PAPPA2: variants seen among roughly 807,000 people sequenced by gnomAD.
PAPPA2 encodes the protein pappalysin 2, also known as pappalysin-2.
Under a neutral mutation model 176.4 loss-of-function variants are expected in PAPPA2, and 86 were observed. That is an observed-to-expected ratio of 0.49 (90% CI 0.41 to 0.58). PAPPA2 has a LOEUF of 0.58. Ranked by LOEUF, PAPPA2 falls within the 20% of genes least tolerant of loss-of-function variation. The pLI, the probability that PAPPA2 is intolerant of heterozygous loss-of-function variation, is 0.00. For synonymous variants in PAPPA2, 809 were observed against 852.2 expected (o/e 0.95, Z 0.88); for missense variants, 2,073 against 2,256.9 (o/e 0.92, Z 1.65).
rs767285867 is a variant in PAPPA2 at position 176,791,437 on chromosome 1, G to C, written c.4975G>C (p.Glu1659Gln). 1.9e-6 allele frequency: 3 copies of C among 1,613,900 alleles called. No individual in the cohort carries two copies. The highest frequency in any genetic ancestry group is 2.2e-5 in the East Asian group (1 of 44,848). The change falls in exon 19 of 23, where the codon GAG becomes CAG. Residue 1659 changes from glutamate (E) to glutamine (Q), a missense_variant. By Grantham distance (29) the Glu-to-Gln change is conservative. This residue lies in a region of PAPPA2 where 846 missense variants were observed against 857.9 expected (regional missense o/e 0.99). Transcript: ENST00000367662. ...LQGECPPPPSELNSVEYKCEQ... is the reference protein window; with the variant it reads ...LQGECPPPPSQLNSVEYKCEQ... ...AGGAGAATGCCCACCACCCCCCTCAGAGCTGAATTCTGTGGAGTACAAATG... is the reference window on the plus strand; with the variant it reads ...AGGAGAATGCCCACCACCCCCCTCACAGCTGAATTCTGTGGAGTACAAATG...
chr1:176,586,914 G>A (rs1039314383), intron 2 of PAPPA2, among the ~76,000 whole-genome samples: 4 of 152,120 alleles, frequency 2.6e-5, no homozygotes, highest in Non-Finnish European at 4.4e-5. Context: ...CACCAACAGT[G>A]TAAAAGCTTT....
intron 21 of PAPPA2, among the ~76,000 whole-genome samples, chr1:176,824,204 G>T (rs1232425229): frequency 2.0e-5 from 3 of 152,152 alleles, no homozygotes; most frequent in Admixed American, 2.0e-4. Context: ...CTGCTGTGGG[G>T]AACAAAAAGA....
At chr1:176,708,529 G>GGAGAGA (rs1177495946) in intron 10 of PAPPA2, among the ~76,000 whole-genome samples, 8 of 71,670 alleles carry the variant, frequency 1.1e-4, no homozygotes, top group Admixed American at 3.4e-4. Flanking sequence ...ATACGTACAT[G>GGAGAGA]TAGAGAGAGA....
chr1:176,598,706 CTCT>C (rs1654117746), intron 3 of PAPPA2, among the ~76,000 whole-genome samples: 1 of 152,050 alleles, frequency 6.6e-6, no homozygotes, highest in African/African-American at 2.4e-5. Context: ...CTAAATAAAA[CTCT>C]TCTTCTTCAC....
At chr1:176,725,033 A>G (rs1213497906) in intron 12 of PAPPA2, among the ~76,000 whole-genome samples, 1 of 152,220 alleles carries the variant, frequency 6.6e-6, no homozygotes, top group Non-Finnish European at 1.5e-5. Context: ...AAAGCAGATT[A>G]AAAAACTACT....
At chr1:176,722,629 A>T (rs1661678947) in intron 12 of PAPPA2, among the ~76,000 whole-genome samples, 1 of 152,020 alleles carries the variant, frequency 6.6e-6, no homozygotes, top group African/African-American at 2.4e-5. Context: ...GTTATTTTGC[A>T]TTGCTTAGGA....
chr1:176,673,313 T>A (rs150016965), intron 4 of PAPPA2, among the ~76,000 whole-genome samples: 156 of 152,300 alleles, frequency 1.0e-3, no homozygotes, highest in Non-Finnish European at 1.9e-3. Context: ...GAAAGTCATA[T>A]TCCTGTTCCT....
intron 17 of PAPPA2, among the ~76,000 whole-genome samples, chr1:176,778,338 A>G (rs1027014426): frequency 2.0e-5 from 3 of 152,178 alleles, no homozygotes; most frequent in Admixed American, 6.5e-5. Context: ...AATCAGCAAG[A>G]TAGATCTGGT....
At chr1:176,651,087 T>C (rs527931484) in intron 3 of PAPPA2, among the ~76,000 whole-genome samples, 1 of 151,862 alleles carries the variant, frequency 6.6e-6, no homozygotes, top group East Asian at 1.9e-4. Context: ...TATAAACTCT[T>C]ATTAGATTGT....
rs527640108 is a variant in PAPPA2, at chr1:176,825,096, C to T, written c.5203-15077C>T. Among the ~76,000 whole-genome samples, 14 of 152,294 alleles carry T rather than the reference C, an allele frequency of 9.2e-5. No individual in the cohort carries two copies. In the East Asian group the frequency reaches 2.3e-3, roughly 25 times the overall value. The stretch of plus-strand genomic sequence containing the variant: ...ATCTGTTCACTTCTTAGTGCTTCCT[C>T]GGAGACTTACTTCCTGCCTTTCCTC... On this transcript the variant is annotated intron_variant, in intron 21 of 22. Transcript: ENST00000367662.
chr1:176,786,822 G>A (rs906328604), intron 17 of PAPPA2, among the ~76,000 whole-genome samples: 2 of 152,154 alleles, frequency 1.3e-5, no homozygotes, highest in African/African-American at 2.4e-5. Flanking sequence ...ACCTTTAAAT[G>A]TTGTTTGATC....
intron 1 of PAPPA2, among the ~76,000 whole-genome samples, chr1:176,472,075 T>C (rs1051158189): frequency 6.6e-6 from 1 of 152,232 alleles, no homozygotes; most frequent in Admixed American, 6.5e-5. Flanking sequence ...CTGCAGAATA[T>C]TATTGCATAT....
At chr1:176,512,917 A>G (rs1648691291) in intron 1 of PAPPA2, among the ~76,000 whole-genome samples, 1 of 152,180 alleles carries the variant, frequency 6.6e-6, no homozygotes, top group Admixed American at 6.6e-5. Flanking sequence ...ACTGAGTGCC[A>G]TTCTCACCAG....
intron 1 of PAPPA2, among the ~76,000 whole-genome samples, chr1:176,522,454 A>G (rs900868790): frequency 1.3e-5 from 2 of 152,196 alleles, no homozygotes; most frequent in East Asian, 3.9e-4. Context: ...CTATCTGCTT[A>G]TTATGCTCAA....
At chr1:176,820,627 C>T (rs970365760) in intron 21 of PAPPA2, among the ~76,000 whole-genome samples, 4 of 152,294 alleles carry the variant, frequency 2.6e-5, no homozygotes, top group Admixed American at 2.0e-4. Flanking sequence ...TTCTGCTAAA[C>T]TCCTGGCAAC....
rs73048169 is a variant in PAPPA2 at position 176,799,534 on chromosome 1, A to G, written c.5131-527A>G. Among the ~76,000 whole-genome samples the G allele has an allele frequency of 8.2e-3, 1,246 of 152,248 alleles. 11 individuals are homozygous for G. Among genetic ancestry groups the G allele is most frequent in the African/African-American group, 0.028 (1,173 of 41,542 alleles). ...TGCATGATGATACCAAGAATTACAG[A>G]GTGCAATTTCACCTCCAGTCCTGGT... On this transcript the variant is annotated intron_variant, in intron 20 of 22. Coordinates refer to ENST00000367662, the MANE Select transcript of PAPPA2 (RefSeq NM_020318.3).
chr1:176,668,197 A>G (rs12742958), intron 3 of PAPPA2, among the ~76,000 whole-genome samples: 1 of 152,198 alleles, frequency 6.6e-6, no homozygotes, highest in Non-Finnish European at 1.5e-5. Flanking sequence ...TTCTGAGACG[A>G]TTTTTATAAA....
At chr1:176,653,920 T>A (rs948803250) in intron 3 of PAPPA2, among the ~76,000 whole-genome samples, 3 of 151,790 alleles carry the variant, frequency 2.0e-5, no homozygotes, top group Non-Finnish European at 4.4e-5. Flanking sequence ...TCTGCTGGAT[T>A]TCTTCGTACC....
chr1:176,521,810 G>A (rs780754848), intron 1 of PAPPA2, among the ~76,000 whole-genome samples: 11 of 152,128 alleles, frequency 7.2e-5, no homozygotes, highest in Non-Finnish European at 1.2e-4. Flanking sequence ...GAATGCCTTC[G>A]AGAAACTTCT....
Sources: allele counts gnomAD v4.1 joint callset (sites outside exome capture counted in the v4.1 genomes callset), GRCh38; gene constraint gnomAD v4.1.1; regional missense constraint gnomAD v4.1.1; transcripts MANE v1.5; gene names NCBI Gene and HGNC (gene_info 2026-07-23, HGNC 2026-07-21).